Variants in CACNA1D observed in about 807,000 individuals in gnomAD.
CACNA1D encodes the protein calcium voltage-gated channel subunit alpha1 D, also known as voltage-dependent L-type calcium channel subunit alpha-1D.
In CACNA1D, 55 loss-of-function variants were observed where a neutral mutation model predicts 257.1. That is an observed-to-expected ratio of 0.21 (90% CI 0.17 to 0.27). CACNA1D has a LOEUF of 0.27. CACNA1D is among the 10% of genes least tolerant of loss of function. The pLI, the probability that CACNA1D is intolerant of heterozygous loss-of-function variation, is 1.00. For synonymous variants in CACNA1D, 980 were observed against 1,014.9 expected (o/e 0.97, Z 0.65); for missense variants, 1,876 against 2,784.0 (o/e 0.67, Z 7.34).
At chr3:53,506,971 G>A (rs972563511) in intron 3 of CACNA1D, among the ~76,000 whole-genome samples, 3 of 151,164 alleles carry the variant, frequency 2.0e-5, no homozygotes, top group African/African-American at 4.9e-5. Context: ...TATGTGGGAG[G>A]CTGAGGCAGG....
intron 3 of CACNA1D, among the ~76,000 whole-genome samples, chr3:53,545,844 T>G (rs1466729897): frequency 6.6e-6 from 1 of 152,152 alleles, no homozygotes; most frequent in Non-Finnish European, 1.5e-5. Context: ...AAGTCCAGAT[T>G]GTTTCTATTG....
At chr3:53,665,964 ATG>A in intron 6 of CACNA1D, 152 bp downstream of exon 6, 1 of 657,764 alleles carries the variant, frequency 1.5e-6, no homozygotes, top group Non-Finnish European at 2.7e-6. Flanking sequence ...AGTGTGAGCT[ATG>A]TTCAGAATAG....
At chr3:53,612,201 A>G (rs2093590784) in intron 3 of CACNA1D, among the ~76,000 whole-genome samples, 1 of 152,124 alleles carries the variant, frequency 6.6e-6, no homozygotes. Flanking sequence ...CTGTTTAGTA[A>G]TTTTCCAAAA....
At chr3:53,790,548 G>A (rs1386879981) in intron 40 of CACNA1D, among the ~76,000 whole-genome samples, 1 of 152,242 alleles carries the variant, frequency 6.6e-6, no homozygotes, top group African/African-American at 2.4e-5. Context: ...TTGCCTGTTT[G>A]GAAGTTTGGT....
At position 53,495,123 on chromosome 3, in the gene CACNA1D, G is replaced by A; in HGVS notation, c.-44G>A. 1 of 1,068,366 alleles carries A rather than the reference G, an allele frequency of 9.4e-7. No individual in the cohort carries two copies. The highest frequency in any genetic ancestry group is 1.3e-6 in the Non-Finnish European group (1 of 748,298). 66.2% of individuals were successfully genotyped at this position (1,068,366 alleles called of 1,614,324 possible). A position where few individuals can be genotyped will look rare whatever the true frequency, so the allele number is the denominator to read the frequency against. ...CATTCCGCCCCCGCCTCAACGCCCA[G>A]CACAGTGCCCTGCACACAGTAGTCG... On this transcript the variant is annotated 5_prime_UTR_variant, in exon 1 of 48. Transcript: ENST00000350061. This position sits in a 1 kb window ranked among gnomAD's most constrained non-coding sequence, Gnocchi z 5.1.
Position 53,781,675 on chromosome 3 carries a change from C to T in CACNA1D, c.4792+8C>T, listed in dbSNP as rs1326478694. On this transcript the variant is annotated splice_region_variant and intron_variant, in intron 39 of 47. Transcript: ENST00000350061. ...TTGTCCCTCCAGCTGGTGGTCAGTG[C>T]AGTCTATTTCCTAAGTAGTCCTTGG... 6 of 1,570,082 alleles carry T rather than the reference C, an allele frequency of 3.8e-6. No individual in the cohort carries two copies. The highest frequency in any genetic ancestry group is 5.3e-6 in the Non-Finnish European group (6 of 1,139,644).
At chr3:53,515,890 T>A (rs1370959809) in intron 3 of CACNA1D, among the ~76,000 whole-genome samples, 3 of 152,232 alleles carry the variant, frequency 2.0e-5, no homozygotes, top group Admixed American at 6.5e-5. Flanking sequence ...AGTCCCACTT[T>A]CTCAGGCATT....
At chr3:53,804,187 A>G (rs1173357971) in intron 44 of CACNA1D, among the ~76,000 whole-genome samples, 1 of 152,124 alleles carries the variant, frequency 6.6e-6, no homozygotes, top group African/African-American at 2.4e-5. Context: ...ACCGCACCTC[A>G]CTGTGACCAG....
intron 45 of CACNA1D, among the ~76,000 whole-genome samples, chr3:53,806,137 C>T (rs1428236708): frequency 2.0e-5 from 3 of 146,802 alleles, no homozygotes; most frequent in Non-Finnish European, 3.0e-5. Context: ...CCTCCTCCCT[C>T]ATCTACCCTC....
intron 3 of CACNA1D, among the ~76,000 whole-genome samples, chr3:53,597,758 T>C (rs1432119863): frequency 6.6e-6 from 1 of 152,136 alleles, no homozygotes; most frequent in Non-Finnish European, 1.5e-5. Context: ...GTTTCCTGTC[T>C]CTCTGAGGGA....
chr3:53,747,895 A>G (rs1465665135), intron 26 of CACNA1D, among the ~76,000 whole-genome samples: 2 of 152,134 alleles, frequency 1.3e-5, no homozygotes, highest in Non-Finnish European at 2.9e-5. Context: ...TTTACAGACC[A>G]TGCTGTGCAG....
At chr3:53,541,078 T>C (rs2092285418) in intron 3 of CACNA1D, among the ~76,000 whole-genome samples, 1 of 152,194 alleles carries the variant, frequency 6.6e-6, no homozygotes, top group Non-Finnish European at 1.5e-5. Flanking sequence ...AGGTTGTTTT[T>C]CTTGTTTAAA....
At chr3:53,777,652 G>T (rs974536268) in intron 37 of CACNA1D, among the ~76,000 whole-genome samples, 1 of 152,156 alleles carries the variant, frequency 6.6e-6, no homozygotes, top group Non-Finnish European at 1.5e-5. Flanking sequence ...TGTTCCACAC[G>T]TCCCCTCTGC....
At position 53,505,211 on chromosome 3, in the gene CACNA1D, C is replaced by A. The variant is rs934254489; in HGVS notation, c.483+3491C>A. Among the ~76,000 whole-genome samples, 5 of 143,358 alleles carry A rather than the reference C, an allele frequency of 3.5e-5. No individual in the cohort carries two copies. In the South Asian group the frequency reaches 9.1e-4, roughly 26 times the overall value. The allele number at this position is 143,358 out of a possible 152,430, so 94.0% of individuals were successfully genotyped here. On this transcript the variant is annotated intron_variant, in intron 3 of 47. Transcript: ENST00000350061. ...GCAAGCTCCGCCTCTGGGGTTCATA[C>A]CTCTCTCCTGCCTCAGCCTCCTGAG...
chr3:53,752,689 C>T (rs907169118), intron 28 of CACNA1D, among the ~76,000 whole-genome samples: 5 of 152,200 alleles, frequency 3.3e-5, no homozygotes, highest in South Asian at 2.1e-4. Flanking sequence ...TGAGCCACCG[C>T]GCCCGGCACC....
rs537228950 is a variant in CACNA1D at position 53,543,791 on chromosome 3, A to T, written c.483+42071A>T. Among the ~76,000 whole-genome samples the T allele has an allele frequency of 4.6e-5, 7 of 152,302 alleles. No individual in the cohort carries two copies. In the South Asian group the frequency reaches 1.2e-3, roughly 27 times the overall value. On this transcript the variant is annotated intron_variant, in intron 3 of 47. Coordinates refer to ENST00000350061, the MANE Select transcript of CACNA1D (RefSeq NM_001128840.3). ...TCGTCCAGGGTCACATGGCTGGTAA[A>T]TGGTAGATTCATACCCAGATCAGCC...
intron 20 of CACNA1D, among the ~76,000 whole-genome samples, chr3:53,735,752 G>A (rs2095051091): frequency 6.6e-6 from 1 of 152,238 alleles, no homozygotes; most frequent in African/African-American, 2.4e-5. Context: ...AGTGAATTCA[G>A]GGAGCCTGCT....
At chr3:53,621,482 G>A (rs1165134306) in intron 3 of CACNA1D, among the ~76,000 whole-genome samples, 1 of 152,172 alleles carries the variant, frequency 6.6e-6, no homozygotes, top group African/African-American at 2.4e-5. Context: ...CCTTGGGAGA[G>A]GAGTGAGGTG....
At chr3:53,635,031 A>G (rs1478124663) in intron 3 of CACNA1D, among the ~76,000 whole-genome samples, 1 of 152,170 alleles carries the variant, frequency 6.6e-6, no homozygotes, top group Admixed American at 6.6e-5. Context: ...TAAAAATTAC[A>G]GCCTCGGGCT....
Sources: allele counts gnomAD v4.1 joint callset (sites outside exome capture counted in the v4.1 genomes callset), GRCh38; gene constraint gnomAD v4.1.1; non-coding constraint Gnocchi (gnomAD v3.1); transcripts MANE v1.5; gene names NCBI Gene and HGNC (gene_info 2026-07-23, HGNC 2026-07-21).